Variants in ZNF875 observed in about 807,000 individuals in gnomAD.
ZNF875 encodes zinc finger protein 875.
A neutral mutation model predicts 11.2 loss-of-function variants in ZNF875; 14 were observed. The observed-to-expected ratio is 1.26, with a 90% CI of 0.83 to 1.96. The LOEUF is 1.96. ZNF875 is among the 30% of genes most tolerant of loss of function. The probability of loss-of-function intolerance (pLI) is 0.00; values close to 1 mark genes in which losing one functional copy is unlikely to be tolerated. For synonymous variants in ZNF875, 301 were observed against 281.1 expected (o/e 1.07, Z -0.71); for missense variants, 752 against 760.4 (o/e 0.99, Z 0.13).
chr19:37,319,309 G>A (rs2030805581), intron 1 of ZNF875, among the ~76,000 whole-genome samples: 1 of 141,440 alleles, frequency 7.1e-6, no homozygotes, highest in Non-Finnish European at 1.5e-5. Context: ...GCCTCCCAAA[G>A]TGCTGGGATT....
intron 1 of ZNF875, among the ~76,000 whole-genome samples, chr19:37,319,071 A>G (rs974348470): frequency 1.4e-5 from 2 of 143,550 alleles, no homozygotes; most frequent in African/African-American, 5.2e-5. Flanking sequence ...TTTGAGACGG[A>G]GTTTCGCTCT....
At chr19:37,361,608 T>G (rs191722744) in intron 4 of ZNF875, among the ~76,000 whole-genome samples, 1 of 152,064 alleles carries the variant, frequency 6.6e-6, no homozygotes, top group African/African-American at 2.4e-5. Context: ...CAGGTGAGTT[T>G]GCCAACTCCT....
At chr19:37,332,761 C>G (rs1180158140), upstream of ZNF875, among the ~76,000 whole-genome samples, 1 of 152,158 alleles carries the variant, frequency 6.6e-6, no homozygotes, top group Non-Finnish European at 1.5e-5. Context: ...CTAATTTTAA[C>G]TAGACATGTT....
At chr19:37,341,732 C>G (rs772770913) in intron 2 of ZNF875, among the ~76,000 whole-genome samples, 1 of 152,102 alleles carries the variant, frequency 6.6e-6, no homozygotes, top group Non-Finnish European at 1.5e-5. Flanking sequence ...CATCTTGATT[C>G]AAAAGTCCAG....
At chr19:37,344,731 T>C (rs1408460990) in intron 2 of ZNF875, 2 of 1,612,978 alleles carry the variant, frequency 1.2e-6, no homozygotes, top group Non-Finnish European at 1.7e-6. Flanking sequence ...ACATGCATGG[T>C]TCACAGACAA....
upstream of ZNF875, among the ~76,000 whole-genome samples, chr19:37,330,191 T>C (rs1443936025): frequency 6.6e-6 from 1 of 152,222 alleles, no homozygotes; most frequent in Admixed American, 6.5e-5. Flanking sequence ...GATGTTATGA[T>C]TTTTCCATAC....
intron 2 of ZNF875, chr19:37,346,861 C>G (rs1009260335): frequency 1.5e-5 from 4 of 263,656 alleles, no homozygotes; most frequent in Non-Finnish European, 2.7e-5. Flanking sequence ...TTTGACCTCT[C>G]ATTCTTTTTT....
intron 4 of ZNF875, among the ~76,000 whole-genome samples, chr19:37,348,184 C>T (rs1036710963): frequency 6.6e-6 from 1 of 152,198 alleles, no homozygotes; most frequent in Non-Finnish European, 1.5e-5. Flanking sequence ...AATGTTAAGT[C>T]TACGACACTT....
chr19:37,362,990 C>T lies in ZNF875; in HGVS notation c.1138C>T (p.His380Tyr). The change falls in exon 5 of 5, where the codon CAC becomes TAC. Residue 380 changes from histidine (H) to tyrosine (Y), a missense_variant. By Grantham distance (83) the His-to-Tyr change is moderately conservative. Transcript: ENST00000392153. ...TGGGCGTGGCTTTCGCCAGCATTCACACCTGGTCAGACACAAGAGGACACA... is the reference window on the plus strand; with the variant it reads ...TGGGCGTGGCTTTCGCCAGCATTCATACCTGGTCAGACACAAGAGGACACA... ...ECGRGFRQHS[H>Y]LVRHKRTHSG... 4 of 1,613,762 alleles carry T rather than the reference C, an allele frequency of 2.5e-6. No individual in the cohort carries two copies. The East Asian group carries it at 6.7e-5, about 27-fold the overall frequency.
At chr19:37,344,641 T>A (rs773484901) in intron 2 of ZNF875, 1 of 1,580,532 alleles carries the variant, frequency 6.3e-7, no homozygotes, top group South Asian at 1.1e-5. Context: ...TCCCCCAAGC[T>A]TCTAGCTGTG....
chr19:37,332,651 CTTCT>C (rs1483467399), upstream of ZNF875, among the ~76,000 whole-genome samples: 2 of 152,218 alleles, frequency 1.3e-5, no homozygotes, highest in Admixed American at 6.5e-5. Flanking sequence ...AGGCCAGTTT[CTTCT>C]TTAACTCATC....
chr19:37,354,952 C>A (rs1303996626), intron 4 of ZNF875, among the ~76,000 whole-genome samples: 1 of 152,124 alleles, frequency 6.6e-6, no homozygotes, highest in Non-Finnish European at 1.5e-5. Flanking sequence ...TTGTAAATTA[C>A]CCAGTCTCAG....
upstream of ZNF875, among the ~76,000 whole-genome samples, chr19:37,330,003 G>A (rs1274369271): frequency 6.6e-6 from 1 of 151,834 alleles, no homozygotes; most frequent in Non-Finnish European, 1.5e-5. Flanking sequence ...TTCCTTCTCT[G>A]CCTCTCAAGG....
intron 4 of ZNF875, among the ~76,000 whole-genome samples, chr19:37,324,543 T>G (rs1599874853): frequency 6.6e-6 from 1 of 152,100 alleles, no homozygotes; most frequent in Non-Finnish European, 1.5e-5. Flanking sequence ...TGAGGAGGAG[T>G]TCCTGTCAGA....
Position 37,347,174 on chromosome 19 carries a change from G to A in ZNF875, c.34-16G>A. 6.2e-7 allele frequency: 1 copy of A among 1,613,824 alleles called. No homozygotes were observed. ...GACAGGCTCCTGGGTGAGCAGAGGT[G>A]TGTTTTGTGTTAAAGGCGTTCGTGG... On this transcript the variant is annotated splice_polypyrimidine_tract_variant and intron_variant, in intron 2 of 4. Transcript: ENST00000392153.
intron 4 of ZNF875, among the ~76,000 whole-genome samples, chr19:37,356,529 C>CT (rs1158552794): frequency 6.6e-6 from 1 of 152,122 alleles, no homozygotes; most frequent in Admixed American, 6.5e-5. Context: ...CCATCCTTCA[C>CT]TGGTACCAAG....
intron 1 of ZNF875, among the ~76,000 whole-genome samples, chr19:37,320,204 A>G (rs2031130716): frequency 6.6e-6 from 1 of 152,218 alleles, no homozygotes; most frequent in Non-Finnish European, 1.5e-5. Flanking sequence ...CTGCAGTTCC[A>G]TCAGCCAAGT....
At chr19:37,320,139 T>TG (rs2145651230) in intron 1 of ZNF875, among the ~76,000 whole-genome samples, 1 of 152,332 alleles carries the variant, frequency 6.6e-6, no homozygotes, top group East Asian at 1.9e-4. Flanking sequence ...CCTCCCAAAG[T>TG]GCTGGGATTA....
chr19:37,313,050 C>T (rs2030029876), upstream of ZNF875: 1 of 152,270 alleles, frequency 6.6e-6, no homozygotes, highest in Non-Finnish European at 1.5e-5. Context: ...CCGTCTAGAT[C>T]TGAACCGCGC....
Sources: allele counts gnomAD v4.1 joint callset (sites outside exome capture counted in the v4.1 genomes callset), GRCh38; gene constraint gnomAD v4.1.1; transcripts MANE v1.5; gene names NCBI Gene and HGNC (gene_info 2026-07-23, HGNC 2026-07-21).